The following SLC9A1 variants were observed in gnomAD, a reference collection of about 807,000 sequenced individuals.
SLC9A1 encodes the protein solute carrier family 9 member A1, also known as sodium/hydrogen exchanger 1.
Under a neutral mutation model 67.9 loss-of-function variants are expected in SLC9A1, and 22 were observed. The ratio of observed to expected loss-of-function variants is 0.32; its 90% CI spans 0.23 to 0.46. The LOEUF (loss-of-function observed/expected upper bound fraction) is 0.46. Among genes scored for constraint, SLC9A1 ranks in the 20% least tolerant of loss-of-function variants. The pLI is 1.00. For synonymous variants in SLC9A1, 421 were observed against 471.8 expected (o/e 0.89, Z 1.40); for missense variants, 686 against 1,094.8 (o/e 0.63, Z 5.27).
In SLC9A1 at chr1:27,109,800, T is replaced by C. The variant is rs772949985; in HGVS notation, c.814-23A>G. ...GACCTGGGGAGGGTGTGCAGGCTGG[T>C]GGGTGGGAGGAGAGGGCCCTGGCCC... On this transcript the variant is annotated intron_variant, in intron 2 of 11. Transcript: ENST00000263980. This position sits in a 1 kb window ranked among gnomAD's most constrained non-coding sequence, Gnocchi z 5.5. 90 of 1,612,148 alleles carry C rather than the reference T, an allele frequency of 5.6e-5. No individual in the cohort carries two copies. Among genetic ancestry groups the C allele is most frequent in the Non-Finnish European group, 7.2e-5 (85 of 1,179,314 alleles).
chr1:27,125,234 TTTC>T (rs1289843785), intron 1 of SLC9A1, among the ~76,000 whole-genome samples: 10 of 101,056 alleles, frequency 9.9e-5, no homozygotes, highest in African/African-American at 1.1e-4. Flanking sequence ...CTTCCTTTTC[TTTC>T]TTTTTTTTTT....
In SLC9A1 at chr1:27,154,339, C is replaced by T; in HGVS notation, c.-5G>A. The stretch of plus-strand genomic sequence containing the variant: ...GATGCCAGACCGCAGAACCATGGTG[C>T]TGCTTCCAGAGCCAGCCTCGACCTT... On this transcript the variant is annotated 5_prime_UTR_variant, in exon 1 of 12. Transcript: ENST00000263980. 1 of 1,567,938 alleles carries T rather than the reference C, an allele frequency of 6.4e-7. No homozygotes were observed.
At chr1:27,102,276 C>T in intron 8 of SLC9A1, 109 bp downstream of exon 8, 1 of 1,395,490 alleles carries the variant, frequency 7.2e-7, no homozygotes, top group Non-Finnish European at 1.0e-6. Flanking sequence ...GCTCTCTTGT[C>T]CGCCCCAACA....
rs1281369574 is a variant in SLC9A1, at chr1:27,137,255, G to A, written c.352+16728C>T. 1.3e-5 allele frequency among the ~76,000 whole-genome samples: 2 copies of A among 152,236 alleles called. No individual in the cohort carries two copies. The highest frequency in any genetic ancestry group is 2.4e-5 in the African/African-American group (1 of 41,456). ...AGGCAGGAGGCCGCCTCACCTCTGCGGAGGGAACGATGTGGGAAGAAGGAC... is the reference window on the plus strand; with the variant it reads ...AGGCAGGAGGCCGCCTCACCTCTGCAGAGGGAACGATGTGGGAAGAAGGAC... On this transcript the variant is annotated intron_variant, in intron 1 of 11. Transcript: ENST00000263980. The surrounding 1 kb of genome is among the most constrained non-coding windows in gnomAD (Gnocchi z 4.6).
At position 27,118,241 on chromosome 1, in the gene SLC9A1, G is replaced by A. The variant is rs2083284487; in HGVS notation, c.353-3955C>T. ...GCCCTGATGGGCTCTCTGGGCCTGA[G>A]GGGAGGGCCGGGCCGGGCCAGGCTG... On this transcript the variant is annotated intron_variant, in intron 1 of 11. Transcript: ENST00000263980. This position sits in a 1 kb window ranked among gnomAD's most constrained non-coding sequence, Gnocchi z 4.3. Among the ~76,000 whole-genome samples the A allele has an allele frequency of 6.6e-6, 1 of 152,236 alleles. No homozygotes were observed. Among genetic ancestry groups the A allele is most frequent in the Non-Finnish European group, 1.5e-5 (1 of 68,044 alleles).
At chr1:27,123,867 C>T (rs953588507) in intron 1 of SLC9A1, among the ~76,000 whole-genome samples, 7 of 149,590 alleles carry the variant, frequency 4.7e-5, no homozygotes, top group African/African-American at 1.5e-4. Flanking sequence ...CGCACAGTCA[C>T]CCAGGCTGGA....
chr1:27,118,901 A>G lies in SLC9A1; in HGVS notation c.353-4615T>C, dbSNP rs926923918. Among the ~76,000 whole-genome samples the G allele has an allele frequency of 6.6e-6, 1 of 152,162 alleles. No homozygotes were observed. Among genetic ancestry groups the G allele is most frequent in the Non-Finnish European group, 1.5e-5 (1 of 68,028 alleles). ...AGTCCTCCCAGAACAAGGAGGCACGAAAGTGTGGAATTCAACATCTCCAAG... is the reference window on the plus strand; with the variant it reads ...AGTCCTCCCAGAACAAGGAGGCACGGAAGTGTGGAATTCAACATCTCCAAG... On this transcript the variant is annotated intron_variant, in intron 1 of 11. Transcript: ENST00000263980. The surrounding 1 kb of genome is among the most constrained non-coding windows in gnomAD (Gnocchi z 4.3).
At chr1:27,126,331 G>A (rs2083343532) in intron 1 of SLC9A1, among the ~76,000 whole-genome samples, 1 of 152,116 alleles carries the variant, frequency 6.6e-6, no homozygotes, top group African/African-American at 2.4e-5. Flanking sequence ...CACAATCAAT[G>A]TTTGCTGGAT....
intron 4 of SLC9A1, among the ~76,000 whole-genome samples, 155 bp downstream of exon 4, chr1:27,107,493 C>T (rs747621725): frequency 6.6e-6 from 1 of 151,580 alleles, no homozygotes; most frequent in African/African-American, 2.4e-5. Flanking sequence ...AGCCCCTCCA[C>T]ACAATACTTA....
chr1:27,138,509 T>C (rs904640067), intron 1 of SLC9A1, among the ~76,000 whole-genome samples: 4 of 152,110 alleles, frequency 2.6e-5, no homozygotes, highest in African/African-American at 9.7e-5. Context: ...TCCAGAATAG[T>C]GTCTGACATG....
intron 1 of SLC9A1, among the ~76,000 whole-genome samples, chr1:27,142,983 A>C (rs984723430): frequency 4.8e-5 from 7 of 144,996 alleles, no homozygotes; most frequent in Non-Finnish European, 1.0e-4. Flanking sequence ...AGTTCCCACC[A>C]CACAAAAGGC....
At position 27,131,938 on chromosome 1, in the gene SLC9A1, G is replaced by GAAAAAAAAA. The variant is rs1351315440; in HGVS notation, c.353-17661_353-17653dup. ...TCCGTCTCAAAAAGAAGAAGAAGAA[G>GAAAAAAAAA]AAAAAAAAAATATATATATATATAT... On this transcript the variant is annotated intron_variant, in intron 1 of 11. Coordinates refer to ENST00000263980, the MANE Select transcript of SLC9A1 (RefSeq NM_003047.5). 3.4e-3 allele frequency among the ~76,000 whole-genome samples: 118 copies of GAAAAAAAAA among 35,002 alleles called. 3 individuals are homozygous for GAAAAAAAAA. Among genetic ancestry groups the GAAAAAAAAA allele is most frequent in the South Asian group, 0.023 (16 of 702 alleles). The allele number at this position is 35,002 out of a possible 152,430, so 23.0% of individuals were successfully genotyped here.
intron 2 of SLC9A1, among the ~76,000 whole-genome samples, chr1:27,110,498 G>T (rs1362057771): frequency 6.6e-6 from 1 of 152,174 alleles, no homozygotes; most frequent in Non-Finnish European, 1.5e-5. Flanking sequence ...AGGCATCCCT[G>T]TCTCCTGGAC....
intron 1 of SLC9A1, among the ~76,000 whole-genome samples, chr1:27,124,039 G>A (rs1366803265): frequency 3.3e-5 from 5 of 152,030 alleles, no homozygotes; most frequent in Non-Finnish European, 7.4e-5. Context: ...CCAGTGTCCC[G>A]GATGTGTGGC....
rs1486298099 is a variant in SLC9A1 at position 27,100,031 on chromosome 1, C to T, written c.*276G>A. The T allele has an allele frequency of 1.7e-5, 7 of 401,888 alleles. No individual in the cohort carries two copies. Among genetic ancestry groups the T allele is most frequent in the South Asian group, 1.8e-4 (2 of 11,128 alleles). 24.9% of individuals were successfully genotyped at this position (401,888 alleles called of 1,614,324 possible). Reference sequence around the variant, plus strand: ...AGCCTCCGAGGCCCTAGTCCAGGTCCGGGAGAAGCCTGGATCTAGGGAGGG... The same window carrying T: ...AGCCTCCGAGGCCCTAGTCCAGGTCTGGGAGAAGCCTGGATCTAGGGAGGG... On this transcript the variant is annotated 3_prime_UTR_variant, in exon 12 of 12. Transcript: ENST00000263980. The surrounding 1 kb of genome is among the most constrained non-coding windows in gnomAD (Gnocchi z 5.6).
chr1:27,141,230 A>T (rs1013337137), intron 1 of SLC9A1, among the ~76,000 whole-genome samples: 6 of 152,312 alleles, frequency 3.9e-5, no homozygotes, highest in African/African-American at 1.2e-4. Flanking sequence ...AAATTTTTTT[A>T]AAACAGGATA....
Position 27,103,316 on chromosome 1 carries a change from G to GC in SLC9A1, c.1486-5_1486-4insG. On this transcript the variant is annotated splice_polypyrimidine_tract_variant and splice_region_variant and intron_variant, in intron 5 of 11. Coordinates refer to ENST00000263980, the MANE Select transcript of SLC9A1 (RefSeq NM_003047.5). ...CCAGGGGCCGAATGGTCATGCCCTG[G>GC]GGGGCAGGCAGGTGTCAGGCACTCC... 6.2e-7 allele frequency: 1 copy of GC among 1,609,920 alleles called. No individual in the cohort carries two copies. The highest frequency in any genetic ancestry group is 8.5e-7 in the Non-Finnish European group (1 of 1,176,270).
At position 27,114,182 on chromosome 1, in the gene SLC9A1, G is replaced by A. The variant is rs748633102; in HGVS notation, c.457C>T (p.Pro153Ser). 6.2e-7 allele frequency: 1 copy of A among 1,614,142 alleles called. No homozygotes were observed. Among genetic ancestry groups the A allele is most frequent in the Admixed American group, 1.7e-5 (1 of 60,026 alleles). Residue 153 changes from proline to serine, a missense_variant, in exon 2 of 12, where the codon CCC (proline) becomes TCC (serine). Physicochemically the swap from Pro to Ser is moderately conservative, Grantham distance 74 (BLOSUM62 -1). This residue lies in a region of SLC9A1 where 29 missense variants were observed against 71.9 expected (regional missense o/e 0.40). Coordinates refer to ENST00000263980, the MANE Select transcript of SLC9A1 (RefSeq NM_003047.5). This position sits in a 1 kb window ranked among gnomAD's most constrained non-coding sequence, Gnocchi z 5.4. The part of the protein sequence containing the change: ...GGLIKGVGET[P>S]PFLQSDVFFL... ...AAGACGTCGGACTGCAGGAAGGGGG[G>A]TGTCTCGCCTACACCCTTGATCAGG...
Position 27,101,657 on chromosome 1 carries a change from TTA to T in SLC9A1, c.2037+66_2037+67del. 4 of 1,143,054 alleles carry T rather than the reference TTA, an allele frequency of 3.5e-6. No homozygotes were observed. The highest frequency in any genetic ancestry group is 5.2e-6 in the Non-Finnish European group (4 of 771,578). 70.8% of individuals were successfully genotyped at this position (1,143,054 alleles called of 1,614,324 possible). A position where few individuals can be genotyped will look rare whatever the true frequency, so the allele number is the denominator to read the frequency against. On this transcript the variant is annotated intron_variant, in intron 10 of 11. Transcript: ENST00000263980. The surrounding 1 kb of genome is among the most constrained non-coding windows in gnomAD (Gnocchi z 4.9). ...CTGTTCCTAGAATGGGTACATTTCCTTAGAGGCTGTGGCGGAGCTTGGGCGAG... is the reference window on the plus strand; with the variant it reads ...CTGTTCCTAGAATGGGTACATTTCCTGAGGCTGTGGCGGAGCTTGGGCGAG...
Sources: allele counts gnomAD v4.1 joint callset (sites outside exome capture counted in the v4.1 genomes callset), GRCh38; gene constraint gnomAD v4.1.1; regional missense constraint gnomAD v4.1.1; non-coding constraint Gnocchi (gnomAD v3.1); transcripts MANE v1.5; gene names NCBI Gene and HGNC (gene_info 2026-07-23, HGNC 2026-07-21).